Variants in SPOCK3 observed in about 807,000 individuals in gnomAD.
SPOCK3 encodes the protein SPARC (osteonectin), cwcv and kazal like domains proteoglycan 3.
Under a neutral mutation model 56.6 loss-of-function variants are expected in SPOCK3, and 30 were observed. That is an observed-to-expected ratio of 0.53 (90% CI 0.40 to 0.72). The LOEUF is 0.72. Ranked by LOEUF, SPOCK3 falls within the 30% of genes least tolerant of loss-of-function variation. SPOCK3 has a pLI of 0.00. For synonymous variants in SPOCK3, 196 were observed against 183.3 expected (o/e 1.07, Z -0.56); for missense variants, 527 against 530.0 (o/e 0.99, Z 0.06).
intron 4 of SPOCK3, among the ~76,000 whole-genome samples, chr4:166,977,964 GA>G (rs1165053390): frequency 5.9e-5 from 9 of 152,166 alleles, no homozygotes; most frequent in Non-Finnish European, 1.3e-4. Flanking sequence ...GTCTAGCCAT[GA>G]TTCAAAGTTA....
chr4:166,914,065 TA>T (rs35475092), intron 4 of SPOCK3, among the ~76,000 whole-genome samples: 58,925 of 147,290 alleles, frequency 0.4, 12,183 homozygotes, highest in Non-Finnish European at 0.48. Context: ...AGATACAAAT[TA>T]AAAAAAAAAA....
chr4:166,824,509 T>C (rs1745255377), intron 6 of SPOCK3, among the ~76,000 whole-genome samples: 1 of 152,112 alleles, frequency 6.6e-6, no homozygotes, highest in South Asian at 2.1e-4. Flanking sequence ...GATCCAGTTC[T>C]GGCCAAAGAC....
At chr4:166,854,594 T>A (rs965552414) in intron 6 of SPOCK3, among the ~76,000 whole-genome samples, 1 of 152,222 alleles carries the variant, frequency 6.6e-6, no homozygotes, top group African/African-American at 2.4e-5. Flanking sequence ...TGTATGCTAT[T>A]TTTATATAAC....
At chr4:167,198,104 T>A (rs1264877575) in intron 2 of SPOCK3, among the ~76,000 whole-genome samples, 1 of 152,200 alleles carries the variant, frequency 6.6e-6, no homozygotes, top group Non-Finnish European at 1.5e-5. Flanking sequence ...TGGAATCAGA[T>A]TATACATATT....
chr4:167,196,376 C>T (rs565511888), intron 2 of SPOCK3, among the ~76,000 whole-genome samples: 2 of 152,146 alleles, frequency 1.3e-5, no homozygotes, highest in Non-Finnish European at 2.9e-5. Context: ...AATATAAGAG[C>T]TTAAAACAAC....
intron 4 of SPOCK3, among the ~76,000 whole-genome samples, chr4:166,952,334 T>C (rs1343381041): frequency 6.6e-6 from 1 of 152,178 alleles, no homozygotes; most frequent in Non-Finnish European, 1.5e-5. Context: ...CCATTCACAA[T>C]TGCTTCAAAG....
chr4:167,152,826 T>A (rs1009888885), intron 2 of SPOCK3, among the ~76,000 whole-genome samples: 1 of 152,196 alleles, frequency 6.6e-6, no homozygotes, highest in Non-Finnish European at 1.5e-5. Flanking sequence ...TATCAAAATA[T>A]GTTTTTTAAA....
intron 6 of SPOCK3, among the ~76,000 whole-genome samples, chr4:166,860,451 G>A (rs1333131025): frequency 6.6e-6 from 1 of 152,032 alleles, no homozygotes; most frequent in Non-Finnish European, 1.5e-5. Context: ...AAGCGAGAAA[G>A]AGGAGAGAGA....
intron 2 of SPOCK3, among the ~76,000 whole-genome samples, chr4:167,211,225 G>A (rs185673554): frequency 1.1e-3 from 161 of 152,182 alleles, no homozygotes; most frequent in Admixed American, 4.7e-3. Flanking sequence ...TTTGGAATGC[G>A]TGTATTTACC....
chr4:167,206,581 G>T (rs1294796735), intron 2 of SPOCK3, among the ~76,000 whole-genome samples: 1 of 151,944 alleles, frequency 6.6e-6, no homozygotes, highest in African/African-American at 2.4e-5. Flanking sequence ...TGTTTGCTTT[G>T]GTAGCTAATG....
chr4:167,040,731 A>G (rs1295536301), intron 3 of SPOCK3, among the ~76,000 whole-genome samples: 1 of 152,202 alleles, frequency 6.6e-6, no homozygotes, highest in East Asian at 1.9e-4. Context: ...GAAATGTTAT[A>G]ACATGTCAAT....
chr4:166,749,228 G>C lies in SPOCK3; in HGVS notation c.931+5280C>G, dbSNP rs980251727. Among the ~76,000 whole-genome samples the C allele has an allele frequency of 4.4e-5, 6 of 137,574 alleles. No homozygotes were observed. The East Asian group carries it at 1.2e-3, about 27-fold the overall frequency. 90.3% of individuals were successfully genotyped at this position (137,574 alleles called of 152,430 possible). ...CACTGCTCACAATAGCAAAGACTTG[G>C]AACCAACCCAAATGTCCATCAATGA... On this transcript the variant is annotated intron_variant, in intron 8 of 10. Transcript: ENST00000357545.
At chr4:166,930,033 T>A (rs1265713808) in intron 4 of SPOCK3, among the ~76,000 whole-genome samples, 1 of 151,960 alleles carries the variant, frequency 6.6e-6, no homozygotes, top group Admixed American at 6.6e-5. Context: ...TGATGTAGAG[T>A]CATTTTGTTT....
chr4:166,936,809 A>G (rs1046788691), intron 4 of SPOCK3, among the ~76,000 whole-genome samples: 4 of 152,060 alleles, frequency 2.6e-5, no homozygotes, highest in African/African-American at 7.2e-5. Context: ...ATAATTCTCA[A>G]CTTTCTAAAA....
At chr4:167,222,483 T>C (rs542238866) in intron 2 of SPOCK3, among the ~76,000 whole-genome samples, 1 of 133,902 alleles carries the variant, frequency 7.5e-6, no homozygotes, top group African/African-American at 2.8e-5. Context: ...TATATAAACA[T>C]ATATATTACA....
chr4:166,817,021 C>A (rs778755789), intron 6 of SPOCK3, among the ~76,000 whole-genome samples: 2 of 151,986 alleles, frequency 1.3e-5, no homozygotes, highest in Non-Finnish European at 1.5e-5. Context: ...AGCCTGACAT[C>A]GTTTTATGAA....
intron 6 of SPOCK3, among the ~76,000 whole-genome samples, chr4:166,818,622 A>G (rs1479156922): frequency 6.6e-6 from 1 of 151,960 alleles, no homozygotes; most frequent in South Asian, 2.1e-4. Flanking sequence ...TCTCATTACC[A>G]ATTAAAATAG....
In SPOCK3 at chr4:166,931,338, G is replaced by C. The variant is rs1187367297; in HGVS notation, c.351-18595C>G. Among the ~76,000 whole-genome samples the C allele has an allele frequency of 9.3e-5, 9 of 97,016 alleles. No individual in the cohort carries two copies. In the East Asian group the frequency reaches 3.3e-3, roughly 36 times the overall value. 63.6% of individuals were successfully genotyped at this position (97,016 alleles called of 152,430 possible). On this transcript the variant is annotated intron_variant, in intron 4 of 10. Coordinates refer to ENST00000357545, the MANE Select transcript of SPOCK3 (RefSeq NM_001040159.2). ...ACTACTCTAGGTGTGTGTGGGGGGT[G>C]GGGGGGCAAGAAAACCTTTGAGTTG...
chr4:166,939,294 CT>C (rs563333528), intron 4 of SPOCK3, among the ~76,000 whole-genome samples: 2 of 151,796 alleles, frequency 1.3e-5, no homozygotes, highest in Non-Finnish European at 1.5e-5. Context: ...TGGATTCATT[CT>C]TTTTTTTCAT....
Sources: gnomAD v4.1 joint callset for allele counts (sites outside exome capture counted in the v4.1 genomes callset) on GRCh38, gnomAD v4.1.1 for gene constraint, MANE v1.5 for transcripts, NCBI Gene and HGNC (gene_info 2026-07-23, HGNC 2026-07-21) for gene names.